Variants in DOCK10 observed in about 807,000 individuals in gnomAD.
DOCK10 encodes dedicator of cytokinesis protein 10.
A neutral mutation model predicts 280.1 loss-of-function variants in DOCK10; 145 were observed. That is an observed-to-expected ratio of 0.52 (90% CI 0.45 to 0.59). DOCK10 has a LOEUF of 0.59. Among genes scored for constraint, DOCK10 ranks in the 20% least tolerant of loss-of-function variants. The pLI, the probability that DOCK10 is intolerant of heterozygous loss-of-function variation, is 0.00. For missense variants in DOCK10, 2,368 were observed against 2,651.7 expected, an observed-to-expected ratio of 0.89 and a Z score of 2.35; for synonymous variants, 915 against 942.2, an observed-to-expected ratio of 0.97 and a Z score of 0.53.
rs1410668520 is a variant in DOCK10, at chr2:224,793,120, A to C, written c.5213-48T>G. The C allele has an allele frequency of 2.2e-6, 3 of 1,357,924 alleles. No homozygotes were observed. The African/African-American group carries it at 4.3e-5, about 20-fold the overall frequency. The allele number at this position is 1,357,924 out of a possible 1,614,324, so 84.1% of individuals were successfully genotyped here. A position where few individuals can be genotyped will look rare whatever the true frequency, so the allele number is the denominator to read the frequency against. ...TAGGACATTGCTACATGTTTATGTT[A>C]ATACAAGCTTTAGAGACTACAAATC... On this transcript the variant is annotated intron_variant, in intron 46 of 55. Transcript: ENST00000258390.
chr2:224,991,338 A>G (rs140082656), intron 1 of DOCK10, among the ~76,000 whole-genome samples: 223 of 152,288 alleles, frequency 1.5e-3, no homozygotes, highest in Admixed American at 3.7e-3. Context: ...ATTCTCTGAG[A>G]CTTATTTTCT....
intron 29 of DOCK10, among the ~76,000 whole-genome samples, chr2:224,818,735 T>G (rs1694315825): frequency 6.6e-6 from 1 of 152,160 alleles, no homozygotes; most frequent in South Asian, 2.1e-4. Flanking sequence ...CTGCAGCTGC[T>G]TCATCAATGC....
intron 1 of DOCK10, among the ~76,000 whole-genome samples, chr2:224,951,902 G>C (rs1703752822): frequency 6.6e-6 from 1 of 152,160 alleles, no homozygotes; most frequent in African/African-American, 2.4e-5. Context: ...AGCTTTCAGA[G>C]GCCACCCACA....
chr2:224,826,054 T>C (rs1219783832), intron 27 of DOCK10, among the ~76,000 whole-genome samples: 2 of 152,092 alleles, frequency 1.3e-5, no homozygotes, highest in South Asian at 4.2e-4. Flanking sequence ...TCCCAGGAAA[T>C]TGTTTTAGTT....
At chr2:224,821,683 T>G (rs577640992) in intron 28 of DOCK10, among the ~76,000 whole-genome samples, 1 of 152,328 alleles carries the variant, frequency 6.6e-6, no homozygotes, top group South Asian at 2.1e-4. Context: ...TTCGTCATTT[T>G]TTGCAGTTTA....
At chr2:224,864,510 A>C in intron 13 of DOCK10, 43 bp downstream of exon 13, 1 of 1,493,456 alleles carries the variant, frequency 6.7e-7, no homozygotes, top group South Asian at 1.3e-5. Context: ...ACTCTATTAA[A>C]AAAAAAAAAG....
At chr2:225,033,719 A>G (rs1299845744) in intron 1 of DOCK10, among the ~76,000 whole-genome samples, 1 of 152,178 alleles carries the variant, frequency 6.6e-6, no homozygotes, top group Non-Finnish European at 1.5e-5. Flanking sequence ...AACAAGTCTC[A>G]CTTCAATGGC....
intron 1 of DOCK10, among the ~76,000 whole-genome samples, chr2:224,997,217 CCCTT>C (rs112083031): frequency 0.051 from 7,465 of 146,522 alleles, 290 homozygotes; most frequent in African/African-American, 0.097. Context: ...TTCCCTCCCT[CCCTT>C]CCTTCCTTCC....
chr2:224,878,009 G>T (rs1303076997), intron 7 of DOCK10, among the ~76,000 whole-genome samples: 3 of 152,108 alleles, frequency 2.0e-5, no homozygotes, highest in African/African-American at 7.2e-5. Context: ...CTATTAAGTA[G>T]AATACAAATA....
intron 7 of DOCK10, among the ~76,000 whole-genome samples, chr2:224,880,533 AT>A (rs1402747602): frequency 6.6e-6 from 1 of 152,078 alleles, no homozygotes; most frequent in African/African-American, 2.4e-5. Context: ...GCTCCCCCAA[AT>A]TTTCCTCTAT....
intron 1 of DOCK10, among the ~76,000 whole-genome samples, chr2:224,995,650 G>A (rs1348243283): frequency 1.3e-5 from 2 of 152,176 alleles, no homozygotes; most frequent in East Asian, 1.9e-4. Flanking sequence ...GTCCAAATGA[G>A]CCAAGAATGT....
chr2:224,775,620 C>A (rs1018462083), intron 51 of DOCK10, among the ~76,000 whole-genome samples: 8 of 152,108 alleles, frequency 5.3e-5, no homozygotes, highest in Non-Finnish European at 1.2e-4. Context: ...AGATTACAGG[C>A]ATGTGCCACC....
chr2:224,946,287 A>G (rs556401590), intron 1 of DOCK10, among the ~76,000 whole-genome samples: 30 of 152,358 alleles, frequency 2.0e-4, no homozygotes, highest in Admixed American at 1.4e-3. Context: ...CAGCAAAACA[A>G]AACCAAATCT....
At chr2:224,814,228 T>C (rs1168869683) in intron 31 of DOCK10, 92 bp downstream of exon 31, 1 of 651,850 alleles carries the variant, frequency 1.5e-6, no homozygotes, top group African/African-American at 1.9e-5. Context: ...TATGTGAATA[T>C]TTATTAGCAC....
intron 29 of DOCK10, among the ~76,000 whole-genome samples, chr2:224,818,503 T>A (rs1443031907): frequency 6.8e-6 from 1 of 147,586 alleles, no homozygotes; most frequent in East Asian, 2.1e-4. Context: ...GTTCACCCCA[T>A]TCTCCTGCCT....
chr2:225,035,587 T>TATATATATAAAA (rs1553634969), intron 1 of DOCK10, among the ~76,000 whole-genome samples: 2 of 111,268 alleles, frequency 1.8e-5, no homozygotes, highest in African/African-American at 9.3e-5. Context: ...TATATATATA[T>TATATATATAAAA]AACACTGAAT....
At position 224,818,791 on chromosome 2, in the gene DOCK10, T is replaced by C. The variant is rs566292837; in HGVS notation, c.3267+655A>G. ...TCCAATCAATTCCCTTTTGCTCAAA[T>C]TGGAGTCAGTTTCTGTTGCTTTCAA... is the stretch of plus-strand genomic sequence containing the variant. On this transcript the variant is annotated intron_variant, in intron 29 of 55. Transcript: ENST00000258390. Among the ~76,000 whole-genome samples the C allele has an allele frequency of 6.0e-4, 92 of 152,358 alleles. 1 individual carries two copies. Among genetic ancestry groups the C allele is most frequent in the African/African-American group, 2.2e-3 (91 of 41,596 alleles).
At chr2:224,815,495 C>T (rs576001754) in intron 30 of DOCK10, among the ~76,000 whole-genome samples, 14 of 151,366 alleles carry the variant, frequency 9.2e-5, no homozygotes, top group East Asian at 3.9e-4. Context: ...TTCAGAACAA[C>T]GTAAACACCT....
At chr2:224,841,687 A>G in intron 23 of DOCK10, 117 bp downstream of exon 23, 1 of 619,352 alleles carries the variant, frequency 1.6e-6, no homozygotes, top group South Asian at 2.4e-5. Context: ...TTGATAAGGT[A>G]TTAAAAAATC....
Sources: gnomAD v4.1 joint callset for allele counts (sites outside exome capture counted in the v4.1 genomes callset) on GRCh38, gnomAD v4.1.1 for gene constraint, MANE v1.5 for transcripts, NCBI Gene and HGNC (gene_info 2026-07-23, HGNC 2026-07-21) for gene names.